The following KATNAL1 variants were observed in gnomAD, a reference collection of about 807,000 sequenced individuals.
KATNAL1 encodes the protein katanin p60 ATPase-containing subunit A-like 1.
A neutral mutation model predicts 55.2 loss-of-function variants in KATNAL1; 32 were observed. The ratio of observed to expected loss-of-function variants is 0.58; its 90% CI spans 0.44 to 0.78. KATNAL1 has a LOEUF of 0.78. KATNAL1 is among the 30% of genes least tolerant of loss of function. KATNAL1 has a pLI of 0.00. For synonymous variants in KATNAL1, 193 were observed against 193.6 expected (o/e 1.00, Z 0.02); for missense variants, 466 against 600.9 (o/e 0.78, Z 2.35).
At chr13:30,240,639 A>T (rs1877173042) in intron 5 of KATNAL1, 74 bp from the exon 6 acceptor site, 4 of 997,906 alleles carry the variant, frequency 4.0e-6, no homozygotes, top group East Asian at 2.7e-5. Context: ...AATTCTTTTA[A>T]TTTTTTTTTA....
At position 30,203,058 on chromosome 13, in the gene KATNAL1, GGTT is replaced by G. The variant is rs1872825810; in HGVS notation, c.*5479_*5481del. 1 of 152,170 alleles carries G rather than the reference GGTT, an allele frequency of 6.6e-6. No individual in the cohort carries two copies. The highest frequency in any genetic ancestry group is 2.4e-5 in the African/African-American group (1 of 41,420). 9.4% of individuals were successfully genotyped at this position (152,170 alleles called of 1,614,324 possible). On this transcript the variant is annotated 3_prime_UTR_variant, in exon 11 of 11. Transcript: ENST00000380615. ...GGATCCACAATTTTTAATGTCATCA[GGTT>G]AGTTTGTATTTACAAAACTCTAAGA...
chr13:30,295,900 T>C (rs1482753707), intron 1 of KATNAL1, among the ~76,000 whole-genome samples: 1 of 152,102 alleles, frequency 6.6e-6, no homozygotes, highest in East Asian at 1.9e-4. Context: ...CAAACTTTGT[T>C]GTTATTTTAA....
At chr13:30,236,502 T>C (rs1876702684) in intron 6 of KATNAL1, among the ~76,000 whole-genome samples, 1 of 152,238 alleles carries the variant, frequency 6.6e-6, no homozygotes. Flanking sequence ...CCATTCATTT[T>C]TCACTAACCA....
At chr13:30,238,242 C>T (rs1876889208) in intron 6 of KATNAL1, among the ~76,000 whole-genome samples, 1 of 152,182 alleles carries the variant, frequency 6.6e-6, no homozygotes, top group Non-Finnish European at 1.5e-5. Flanking sequence ...TCAACATTTA[C>T]ATAGTTCTAA....
chr13:30,271,615 T>C (rs1803553572), intron 3 of KATNAL1, among the ~76,000 whole-genome samples: 1 of 152,114 alleles, frequency 6.6e-6, no homozygotes, highest in Non-Finnish European at 1.5e-5. Context: ...CCCCATGATC[T>C]AATCACCTTC....
At chr13:30,280,972 G>C (rs1010501558) in intron 2 of KATNAL1, among the ~76,000 whole-genome samples, 2 of 151,808 alleles carry the variant, frequency 1.3e-5, no homozygotes, top group Admixed American at 1.3e-4. Flanking sequence ...AATTAGTCCA[G>C]GCATGACAGC....
At chr13:30,232,997 C>T (rs1462470595) in intron 6 of KATNAL1, among the ~76,000 whole-genome samples, 2 of 152,000 alleles carry the variant, frequency 1.3e-5, no homozygotes, top group East Asian at 3.8e-4. Context: ...GGTTAAAAAC[C>T]TCAAACTATG....
At chr13:30,237,736 TA>T (rs1180054700) in intron 6 of KATNAL1, among the ~76,000 whole-genome samples, 1 of 152,148 alleles carries the variant, frequency 6.6e-6, no homozygotes, top group African/African-American at 2.4e-5. Flanking sequence ...AACTCAAAAA[TA>T]ATTCCTTATC....
At chr13:30,272,330 G>A (rs967174945) in intron 3 of KATNAL1, among the ~76,000 whole-genome samples, 5 of 152,034 alleles carry the variant, frequency 3.3e-5, no homozygotes, top group African/African-American at 7.2e-5. Flanking sequence ...CCCAGGAGGC[G>A]GAGGTTGCAG....
At chr13:30,221,986 G>C (rs1874914188) in intron 9 of KATNAL1, among the ~76,000 whole-genome samples, 1 of 152,194 alleles carries the variant, frequency 6.6e-6, no homozygotes, top group Admixed American at 6.5e-5. Context: ...AGGAGGCGGA[G>C]GTTGCAGTGA....
chr13:30,249,422 C>T (rs1593886308), intron 4 of KATNAL1, among the ~76,000 whole-genome samples: 2 of 152,156 alleles, frequency 1.3e-5, no homozygotes, highest in South Asian at 4.2e-4. Context: ...GAAATTCATG[C>T]ATATATATGT....
At chr13:30,270,266 C>A (rs1317810943) in intron 3 of KATNAL1, among the ~76,000 whole-genome samples, 18 of 141,148 alleles carry the variant, frequency 1.3e-4, no homozygotes, top group Admixed American at 2.8e-4. Flanking sequence ...TCAGCCCCCC[C>A]GCCCGGCCAG....
chr13:30,247,561 A>T (rs1219064164), intron 4 of KATNAL1, among the ~76,000 whole-genome samples: 1 of 152,236 alleles, frequency 6.6e-6, no homozygotes, highest in Non-Finnish European at 1.5e-5. Context: ...AGTAAAATAT[A>T]TAGTAAAACA....
intron 8 of KATNAL1, among the ~76,000 whole-genome samples, chr13:30,229,176 C>T (rs1320069881): frequency 6.6e-6 from 1 of 152,124 alleles, no homozygotes; most frequent in Non-Finnish European, 1.5e-5. Context: ...CCTTTTCCTT[C>T]TATGGCTCCT....
At chr13:30,230,885 A>C in intron 7 of KATNAL1, among the ~76,000 whole-genome samples, 1 of 152,248 alleles carries the variant, frequency 6.6e-6, no homozygotes, top group East Asian at 1.9e-4. Context: ...TTTTTCAAAA[A>C]TAAATCAACC....
intron 3 of KATNAL1, among the ~76,000 whole-genome samples, chr13:30,269,162 G>C (rs564932314): frequency 1.3e-5 from 2 of 151,954 alleles, no homozygotes; most frequent in Non-Finnish European, 2.9e-5. Context: ...CTGCCATCTC[G>C]GCCCACTGCA....
At chr13:30,260,898 A>G (rs1566113242) in intron 3 of KATNAL1, among the ~76,000 whole-genome samples, 1 of 150,084 alleles carries the variant, frequency 6.7e-6, no homozygotes, top group African/African-American at 2.4e-5. Flanking sequence ...GAGAAGAGCA[A>G]CTCCAAGACA....
chr13:30,285,435 G>C (rs1881713115), intron 1 of KATNAL1, among the ~76,000 whole-genome samples: 1 of 152,174 alleles, frequency 6.6e-6, no homozygotes. Flanking sequence ...GGTTTTATAA[G>C]CATCTGGTAT....
chr13:30,224,638 A>T (rs984201538), intron 9 of KATNAL1, among the ~76,000 whole-genome samples: 10 of 152,106 alleles, frequency 6.6e-5, no homozygotes, highest in African/African-American at 2.4e-4. Context: ...CAAAAAAAAA[A>T]TTTTTTTAAC....
Sources: allele counts gnomAD v4.1 joint callset (sites outside exome capture counted in the v4.1 genomes callset), GRCh38; gene constraint gnomAD v4.1.1; transcripts MANE v1.5; gene names NCBI Gene and HGNC (gene_info 2026-07-23, HGNC 2026-07-21).